The following SLC25A14 variants were observed in gnomAD, a reference collection of about 807,000 sequenced individuals.
SLC25A14 encodes solute carrier family 25 member 14.
A neutral mutation model predicts 28.1 loss-of-function variants in SLC25A14; 8 were observed. The observed-to-expected ratio is 0.28, with a 90% CI of 0.17 to 0.51. SLC25A14 has a LOEUF of 0.51. Among genes scored for constraint, SLC25A14 ranks in the 20% least tolerant of loss-of-function variants. SLC25A14 has a pLI of 0.97. For missense variants in SLC25A14, 135 were observed against 263.8 expected (o/e 0.51, Z 3.38); for synonymous variants, 74 against 90.6 (o/e 0.82, Z 1.04).
intron 9 of SLC25A14, 21 bp downstream of exon 9, chrX:130,365,697 G>T: frequency 8.6e-7 from 1 of 1,160,701 alleles, no homozygotes; most frequent in South Asian, 1.9e-5. Context: ...TGTGGATTTG[G>T]GTTACAATTT....
intron 6 of SLC25A14, among the ~76,000 whole-genome samples, chrX:130,357,078 G>C (rs567182713): frequency 8.9e-6 from 1 of 112,231 alleles, no homozygotes; most frequent in South Asian, 3.7e-4. Flanking sequence ...TGTCCTTCAA[G>C]ACCAGGCTCA....
At chrX:130,342,949 A>G (rs899554021) in intron 2 of SLC25A14, among the ~76,000 whole-genome samples, 1 of 110,048 alleles carries the variant, frequency 9.1e-6, no homozygotes, top group Non-Finnish European at 1.9e-5. Flanking sequence ...TTAGGGAACC[A>G]CTGGGCTAAC....
At chrX:130,342,267 C>T (rs928546496) in intron 2 of SLC25A14, among the ~76,000 whole-genome samples, 7 of 111,846 alleles carry the variant, frequency 6.3e-5, no homozygotes, top group African/African-American at 2.3e-4. Flanking sequence ...TGTGACACAA[C>T]ACGCATGCAT....
At chrX:130,351,479 G>A (rs1375719104) in intron 6 of SLC25A14, among the ~76,000 whole-genome samples, 2 of 110,923 alleles carry the variant, frequency 1.8e-5, no homozygotes, top group African/African-American at 6.5e-5. Flanking sequence ...ATTTCTTTAA[G>A]GTTTTTTCAA....
chrX:130,372,463 ATT>A (rs72517122), intron 10 of SLC25A14, among the ~76,000 whole-genome samples: 33,591 of 97,469 alleles, frequency 0.34, 5,084 homozygotes, highest in Non-Finnish European at 0.43. Flanking sequence ...TTATTTATTT[ATT>A]TTTATTTTTT....
At chrX:130,356,974 G>A (rs1437920853) in intron 6 of SLC25A14, among the ~76,000 whole-genome samples, 17 of 111,406 alleles carry the variant, frequency 1.5e-4, no homozygotes, top group Admixed American at 3.8e-4. Flanking sequence ...GAGATCTATC[G>A]AAATCCATAT....
At chrX:130,365,727 G>A (rs2034100235) in intron 9 of SLC25A14, 51 bp downstream of exon 9, 1 of 937,373 alleles carries the variant, frequency 1.1e-6, no homozygotes, top group Admixed American at 2.4e-5. Context: ...TGATGTCTTA[G>A]ACCTTCCTTC....
At chrX:130,354,123 A>AT (rs1331071374) in intron 6 of SLC25A14, among the ~76,000 whole-genome samples, 6 of 36,931 alleles carry the variant, frequency 1.6e-4, no homozygotes, top group African/African-American at 5.6e-4. Context: ...TATTATTATT[A>AT]TTTTTTTTGA....
intron 3 of SLC25A14, 26 bp downstream of exon 3, chrX:130,345,301 T>C: frequency 1.1e-6 from 1 of 937,390 alleles, no homozygotes; most frequent in Admixed American, 2.2e-5. Context: ...ATGACAAATC[T>C]GCATTATACG....
intron 6 of SLC25A14, among the ~76,000 whole-genome samples, chrX:130,357,731 C>T (rs753194196): frequency 3.6e-5 from 4 of 111,831 alleles, no homozygotes; most frequent in East Asian, 2.8e-4. Flanking sequence ...ACATTTGGGC[C>T]GCTAGTATTT....
At chrX:130,354,580 C>T (rs1224156585) in intron 6 of SLC25A14, among the ~76,000 whole-genome samples, 1 of 112,118 alleles carries the variant, frequency 8.9e-6, no homozygotes, top group African/African-American at 3.2e-5. Flanking sequence ...AGAACTACTT[C>T]ATGTAGTCAT....
At chrX:130,354,150 G>A (rs746531520) in intron 6 of SLC25A14, among the ~76,000 whole-genome samples, 20 of 95,819 alleles carry the variant, frequency 2.1e-4, no homozygotes, top group African/African-American at 8.0e-4. Context: ...GTCTCGCTCT[G>A]TCTCCCAGGC....
chrX:130,345,153 G>A (rs2033390162), intron 2 of SLC25A14, 29 bp from the exon 3 acceptor site: 2 of 984,244 alleles, frequency 2.0e-6, no homozygotes, highest in African/African-American at 3.8e-5. Flanking sequence ...TCACTCTTGT[G>A]CCTTGTTCTG....
intron 7 of SLC25A14, among the ~76,000 whole-genome samples, chrX:130,361,712 A>G (rs1192949467): frequency 8.9e-6 from 1 of 111,912 alleles, no homozygotes; most frequent in Non-Finnish European, 1.9e-5. Context: ...GAGCACGGAG[A>G]GCACAGTCCC....
At chrX:130,365,746 T>C (rs2034100773) in intron 9 of SLC25A14, 70 bp downstream of exon 9, 1 of 758,447 alleles carries the variant, frequency 1.3e-6, no homozygotes, top group East Asian at 3.3e-5. Context: ...TCAGTTCTTA[T>C]TATTAGTTGC....
intron 6 of SLC25A14, among the ~76,000 whole-genome samples, chrX:130,351,464 G>C (rs756528397): frequency 4.2e-4 from 47 of 111,438 alleles, no homozygotes; most frequent in Non-Finnish European, 7.9e-4. Context: ...TAAGAGTATA[G>C]TTGGATTTCT....
chrX:130,346,541 T>A lies in SLC25A14; in HGVS notation c.170-3T>A, dbSNP rs1225906990. 1 of 1,201,310 alleles carries A rather than the reference T, an allele frequency of 8.3e-7. No homozygotes were observed. Among genetic ancestry groups the A allele is most frequent in the African/African-American group, 1.7e-5 (1 of 57,629 alleles). ...ACTTATAAATAAGTGTGTTCCTTTA[T>A]AGGGACTTTCCCTGTGGACCTTACC... On this transcript the variant is annotated splice_region_variant and splice_polypyrimidine_tract_variant and intron_variant, in intron 3 of 10. Transcript: ENST00000545805.
At chrX:130,370,690 G>T (rs968328781) in intron 9 of SLC25A14, among the ~76,000 whole-genome samples, 1 of 111,674 alleles carries the variant, frequency 9.0e-6, no homozygotes, top group African/African-American at 3.3e-5. Flanking sequence ...ATAATGACTT[G>T]CCCAACTTTC....
rs771449117 is a variant in SLC25A14 at position 130,353,494 on chromosome X, A to G, written c.498+2763A>G. 1.5e-4 allele frequency among the ~76,000 whole-genome samples: 17 copies of G among 111,901 alleles called. 1 individual carries two copies. In the South Asian group the frequency reaches 6.4e-3, roughly 42 times the overall value. On this transcript the variant is annotated intron_variant, in intron 6 of 10. Transcript: ENST00000545805. ...TGGGGCCCAGCAGTCTGGTTTGACA[A>G]GCCCTTCAAGTGATTTTGATACATG...
Sources: allele counts gnomAD v4.1 joint callset (sites outside exome capture counted in the v4.1 genomes callset), GRCh38; gene constraint gnomAD v4.1.1; transcripts MANE v1.5; gene names NCBI Gene and HGNC (gene_info 2026-07-23, HGNC 2026-07-21).